Variants in MAPK4 observed in about 807,000 individuals in gnomAD.
The protein encoded by MAPK4 is Erk3-related.
In MAPK4, 22 loss-of-function variants were observed where a neutral mutation model predicts 47.7. The observed-to-expected ratio is 0.46, with a 90% CI of 0.33 to 0.66. The LOEUF (loss-of-function observed/expected upper bound fraction) is 0.66. Ranked by LOEUF, MAPK4 falls within the 30% of genes least tolerant of loss-of-function variation. MAPK4 has a pLI of 0.02. For synonymous variants in MAPK4, 390 were observed against 365.7 expected, an observed-to-expected ratio of 1.07 and a Z score of -0.76; for missense variants, 736 against 831.7, an observed-to-expected ratio of 0.88 and a Z score of 1.42.
rs190327472 is a variant in MAPK4 at position 50,696,542 on chromosome 18, A to C, written c.547-18537A>C. Among the ~76,000 whole-genome samples the C allele has an allele frequency of 2.7e-4, 41 of 152,340 alleles. No individual in the cohort carries two copies. In the East Asian group the frequency reaches 7.5e-3, roughly 28 times the overall value. On this transcript the variant is annotated intron_variant, in intron 2 of 5. Coordinates refer to ENST00000400384, the MANE Select transcript of MAPK4 (RefSeq NM_002747.4). The stretch of plus-strand genomic sequence containing the variant: ...TTGGAAAGAGGCAAATGAAAAATGC[A>C]GCAGAACCTGCAGGTCTGAGAGGAT...
At chr18:50,671,607 T>C (rs1907953130) in intron 2 of MAPK4, among the ~76,000 whole-genome samples, 1 of 152,052 alleles carries the variant, frequency 6.6e-6, no homozygotes, top group South Asian at 2.1e-4. Flanking sequence ...TTAATCATGC[T>C]GAGGCCAGAT....
chr18:50,590,562 CA>C (rs1424049683), intron 1 of MAPK4, among the ~76,000 whole-genome samples: 1 of 152,188 alleles, frequency 6.6e-6, no homozygotes, highest in Admixed American at 6.5e-5. Context: ...GAACCTTTCT[CA>C]ATAGCAATTA....
intron 2 of MAPK4, among the ~76,000 whole-genome samples, chr18:50,707,400 T>C (rs1433430771): frequency 2.0e-5 from 3 of 151,956 alleles, no homozygotes; most frequent in African/African-American, 7.2e-5. Flanking sequence ...CAAAACCCCA[T>C]CTCTACAAAA....
chr18:50,623,754 C>T (rs1040423550), intron 1 of MAPK4, among the ~76,000 whole-genome samples: 2 of 152,208 alleles, frequency 1.3e-5, no homozygotes, highest in African/African-American at 4.8e-5. Flanking sequence ...TTGCTGTTTC[C>T]CAGTGCACTT....
rs1481937145 is a variant in MAPK4 at position 50,729,275 on chromosome 18, G to A, written c.1185G>A (p.Val395=). 1.9e-6 allele frequency: 3 copies of A among 1,609,640 alleles called. No homozygotes were observed. Among genetic ancestry groups the A allele is most frequent in the Non-Finnish European group, 2.5e-6 (3 of 1,177,872 alleles). ...CGCCACTGGCTGAGGACGTGCAGGT[G>A]GACCCGCGCAAGGACTCGCACAGCA... The part of the protein sequence containing the change: ...GSAPLAEDVQ[V]DPRKDSHSSS... The change falls in exon 6 of 6, where the codon GTG becomes GTA. Residue 395 remains valine, a synonymous_variant. Transcript: ENST00000400384.
intron 1 of MAPK4, among the ~76,000 whole-genome samples, chr18:50,662,831 G>A (rs778365893): frequency 6.6e-6 from 1 of 152,218 alleles, no homozygotes; most frequent in Non-Finnish European, 1.5e-5. Flanking sequence ...TGTTAAACTT[G>A]GGGGAGCAGG....
At chr18:50,634,304 G>GTT (rs1224908685) in intron 1 of MAPK4, among the ~76,000 whole-genome samples, 7 of 101,762 alleles carry the variant, frequency 6.9e-5, no homozygotes, top group African/African-American at 1.5e-4. Context: ...GCTGTCAGGT[G>GTT]TTTTTTTTTT....
At chr18:50,719,512 C>T (rs1910819033) in intron 3 of MAPK4, among the ~76,000 whole-genome samples, 1 of 152,176 alleles carries the variant, frequency 6.6e-6, no homozygotes, top group Admixed American at 6.6e-5. Flanking sequence ...GGAGGTCTCG[C>T]CCTGGACTCT....
At chr18:50,636,524 G>C (rs2042890297) in intron 1 of MAPK4, among the ~76,000 whole-genome samples, 1 of 152,182 alleles carries the variant, frequency 6.6e-6, no homozygotes, top group African/African-American at 2.4e-5. Flanking sequence ...TCTTCTCTTA[G>C]GCAGGGGCTG....
intron 2 of MAPK4, among the ~76,000 whole-genome samples, chr18:50,709,345 C>T (rs927003090): frequency 6.6e-6 from 1 of 152,182 alleles, no homozygotes; most frequent in Non-Finnish European, 1.5e-5. Context: ...TCCAGACTGC[C>T]CGGGGAATTG....
intron 2 of MAPK4, among the ~76,000 whole-genome samples, chr18:50,673,695 A>C (rs896644863): frequency 6.6e-6 from 1 of 152,062 alleles, no homozygotes; most frequent in Non-Finnish European, 1.5e-5. Flanking sequence ...TCTCTACTAA[A>C]AATACAAAAA....
rs267605202 is a variant in MAPK4 at position 50,722,009 on chromosome 18, G to A, written c.763G>A (p.Glu255Lys). The A allele has an allele frequency of 5.0e-6, 8 of 1,613,948 alleles. No homozygotes were observed. The Admixed American group carries it at 6.7e-5, about 13-fold the overall frequency. The change falls in exon 4 of 6, where the codon GAG (glutamate) becomes AAG (lysine). Residue 255 changes from glutamate to lysine, a missense_variant. By Grantham distance (56) the Glu-to-Lys change is moderately conservative. This residue lies in a region of MAPK4 where 327 missense variants were observed against 395.4 expected (regional missense o/e 0.83). Coordinates refer to ENST00000400384, the MANE Select transcript of MAPK4 (RefSeq NM_002747.4). ...IPVIREEDKD[E>K]LLRVMPSFVS... Reference sequence around the variant, plus strand: ...TGTAATCCGGGAGGAAGACAAGGACGAGCTGCTCAGGGTGATGCCTTCCTT... The same window carrying A: ...TGTAATCCGGGAGGAAGACAAGGACAAGCTGCTCAGGGTGATGCCTTCCTT...
At chr18:50,724,652 C>G (rs1053225546) in intron 4 of MAPK4, among the ~76,000 whole-genome samples, 1 of 152,210 alleles carries the variant, frequency 6.6e-6, no homozygotes, top group Non-Finnish European at 1.5e-5. Flanking sequence ...ATTTGGGGGT[C>G]TAGGGTTACA....
intron 2 of MAPK4, among the ~76,000 whole-genome samples, chr18:50,692,554 G>A (rs531494110): frequency 6.6e-6 from 1 of 152,312 alleles, no homozygotes; most frequent in African/African-American, 2.4e-5. Context: ...AAACAACAGT[G>A]TTGATTTTAC....
At chr18:50,689,769 G>A (rs1909109635) in intron 2 of MAPK4, among the ~76,000 whole-genome samples, 3 of 152,202 alleles carry the variant, frequency 2.0e-5, no homozygotes, top group Non-Finnish European at 2.9e-5. Context: ...GAAGACTCAA[G>A]TACATAAGCT....
chr18:50,634,075 A>G (rs534028230), intron 1 of MAPK4, among the ~76,000 whole-genome samples: 117 of 152,298 alleles, frequency 7.7e-4, no homozygotes, highest in African/African-American at 2.8e-3. Flanking sequence ...TGGTTCCCAG[A>G]AAGAAACCTT....
At chr18:50,568,592 G>A (rs1284508076) in intron 1 of MAPK4, among the ~76,000 whole-genome samples, 1 of 152,176 alleles carries the variant, frequency 6.6e-6, no homozygotes, top group Admixed American at 6.5e-5. Context: ...TATGTACTTG[G>A]TCTTGGAGGG....
chr18:50,602,902 A>T (rs547548330), intron 1 of MAPK4, among the ~76,000 whole-genome samples: 1 of 152,254 alleles, frequency 6.6e-6, no homozygotes, highest in South Asian at 2.1e-4. Context: ...ATCCTGGAAT[A>T]TTGCAGCCTC....
chr18:50,626,690 C>A (rs980429733), intron 1 of MAPK4, among the ~76,000 whole-genome samples: 13 of 152,124 alleles, frequency 8.5e-5, no homozygotes, highest in Non-Finnish European at 1.3e-4. Flanking sequence ...GAGACCAGGC[C>A]CTTCAGGCTC....
Sources: gnomAD v4.1 joint callset for allele counts (sites outside exome capture counted in the v4.1 genomes callset) on GRCh38, gnomAD v4.1.1 for gene constraint, gnomAD v4.1.1 regional missense constraint, MANE v1.5 for transcripts, NCBI Gene and HGNC (gene_info 2026-07-23, HGNC 2026-07-21) for gene names.